AGMO: variants seen among roughly 807,000 people sequenced by gnomAD.
AGMO encodes glyceryl-ether monooxygenase.
A neutral mutation model predicts 60.2 loss-of-function variants in AGMO; 75 were observed. That is an observed-to-expected ratio of 1.25 (90% CI 1.03 to 1.51). The LOEUF is 1.51. Among genes scored for constraint, AGMO ranks in the 40% most tolerant of loss-of-function variants. AGMO has a pLI of 0.00. For synonymous variants in AGMO, 261 were observed against 177.1 expected (o/e 1.47, Z -3.76); for missense variants, 763 against 525.5 (o/e 1.45, Z -4.42).
intron 3 of AGMO, among the ~76,000 whole-genome samples, chr7:15,485,346 A>G (rs2128519051): frequency 6.6e-6 from 1 of 152,124 alleles, no homozygotes; most frequent in Non-Finnish European, 1.5e-5. Context: ...AAAATGAAAA[A>G]TGAGTTTTAA....
At chr7:15,156,274 A>G in the AGMO span, among the ~76,000 whole-genome samples, 1 of 152,194 alleles carries the variant, frequency 6.6e-6, no homozygotes, top group African/African-American at 2.4e-5. Context: ...TCTGCCAGTG[A>G]AAGAGCTATG....
chr7:15,466,358 T>C (rs1318635574), intron 3 of AGMO, among the ~76,000 whole-genome samples: 3 of 152,170 alleles, frequency 2.0e-5, no homozygotes, highest in African/African-American at 4.8e-5. Context: ...AAGCATTTTT[T>C]TGGTCTAGTG....
At chr7:15,117,503 G>C in the AGMO span, among the ~76,000 whole-genome samples, 4 of 151,914 alleles carry the variant, frequency 2.6e-5, no homozygotes, top group African/African-American at 9.7e-5. Flanking sequence ...TTGTAAATTA[G>C]TGCTCCAATA....
chr7:15,355,717 A>G (rs953476071), intron 12 of AGMO, among the ~76,000 whole-genome samples: 1 of 152,148 alleles, frequency 6.6e-6, no homozygotes, highest in Non-Finnish European at 1.5e-5. Flanking sequence ...AATGGATGGT[A>G]TAATAGTACC....
At chr7:15,443,325 A>T (rs1219870935) in intron 3 of AGMO, among the ~76,000 whole-genome samples, 1 of 152,144 alleles carries the variant, frequency 6.6e-6, no homozygotes, top group African/African-American at 2.4e-5. Flanking sequence ...TTGGAGCCCC[A>T]CAGCCTGCCC....
At chr7:15,141,750 C>T in the AGMO span, among the ~76,000 whole-genome samples, 4 of 151,938 alleles carry the variant, frequency 2.6e-5, no homozygotes, top group Non-Finnish European at 4.4e-5. Context: ...GTAAAACTGG[C>T]GAATCTATTA....
chr7:15,286,172 A>G (rs12699698), intron 12 of AGMO, among the ~76,000 whole-genome samples: 54,126 of 151,928 alleles, frequency 0.36, 11,336 homozygotes, highest in East Asian at 0.52. Context: ...CTAGGAAAAT[A>G]ATTTATGACT....
intron 8 of AGMO, among the ~76,000 whole-genome samples, chr7:15,388,107 T>A (rs1783998142): frequency 6.6e-6 from 1 of 152,072 alleles, no homozygotes; most frequent in African/African-American, 2.4e-5. Context: ...AGGGTTTCTG[T>A]TTTGGCTTTA....
intron 3 of AGMO, among the ~76,000 whole-genome samples, chr7:15,520,953 T>C (rs961921934): frequency 2.0e-5 from 3 of 151,658 alleles, no homozygotes; most frequent in Non-Finnish European, 4.4e-5. Context: ...GGTAGCCAGA[T>C]TAATAAAGGA....
chr7:15,393,138 G>C (rs1231389817), intron 6 of AGMO, among the ~76,000 whole-genome samples: 3 of 152,222 alleles, frequency 2.0e-5, no homozygotes, highest in Non-Finnish European at 2.9e-5. Context: ...TGGAATTGGA[G>C]AATGACTGTT....
intron 10 of AGMO, among the ~76,000 whole-genome samples, chr7:15,385,145 A>G (rs2128482897): frequency 6.6e-6 from 1 of 152,292 alleles, no homozygotes; most frequent in Non-Finnish European, 1.5e-5. Flanking sequence ...CTGACTTCTG[A>G]AGTATTTTTA....
chr7:15,319,845 G>C (rs931158418), intron 12 of AGMO, among the ~76,000 whole-genome samples: 1 of 151,994 alleles, frequency 6.6e-6, no homozygotes, highest in Non-Finnish European at 1.5e-5. Flanking sequence ...GCTTTAATTT[G>C]AGAGGAAGAA....
intron 12 of AGMO, among the ~76,000 whole-genome samples, chr7:15,237,499 T>G (rs1240769780): frequency 6.6e-6 from 1 of 152,046 alleles, no homozygotes; most frequent in East Asian, 1.9e-4. Flanking sequence ...TTTTTTTTCT[T>G]GGCCAATAGA....
intron 5 of AGMO, among the ~76,000 whole-genome samples, chr7:15,405,048 G>T (rs1784651403): frequency 6.6e-6 from 1 of 151,594 alleles, no homozygotes; most frequent in Non-Finnish European, 1.5e-5. Context: ...AAGTTCATTT[G>T]CCCTGTCATT....
intron 5 of AGMO, among the ~76,000 whole-genome samples, chr7:15,397,072 G>A (rs1446188409): frequency 6.6e-6 from 1 of 152,092 alleles, no homozygotes; most frequent in African/African-American, 2.4e-5. Context: ...AAGCCCAGTT[G>A]GCTTCACCTG....
the AGMO span, among the ~76,000 whole-genome samples, chr7:15,137,288 C>CT: frequency 0.011 from 1,613 of 152,238 alleles, 98 homozygotes; most frequent in Admixed American, 0.098. Context: ...GGAACGATTA[C>CT]TTTTTTATAC....
intron 3 of AGMO, among the ~76,000 whole-genome samples, chr7:15,527,617 C>A (rs1784160472): frequency 6.6e-6 from 1 of 152,136 alleles, no homozygotes; most frequent in Non-Finnish European, 1.5e-5. Flanking sequence ...TTCAAGGTGG[C>A]TGCACTAAAC....
chr7:15,540,904 C>A (rs888363753), intron 3 of AGMO, among the ~76,000 whole-genome samples: 5 of 152,060 alleles, frequency 3.3e-5, no homozygotes, highest in Non-Finnish European at 7.4e-5. Context: ...TGAATTTTTA[C>A]AAATATACGC....
the AGMO span, among the ~76,000 whole-genome samples, chr7:15,173,584 A>G: frequency 6.6e-6 from 1 of 152,126 alleles, no homozygotes; most frequent in Non-Finnish European, 1.5e-5. Flanking sequence ...AGACAATACA[A>G]TAAAAAACTA....
Sources: gnomAD v4.1 joint callset for allele counts (sites outside exome capture counted in the v4.1 genomes callset) on GRCh38, gnomAD v4.1.1 for gene constraint, MANE v1.5 for transcripts, NCBI Gene and HGNC (gene_info 2026-07-23, HGNC 2026-07-21) for gene names.